RBFOX3: variants seen among roughly 807,000 people sequenced by gnomAD.
RBFOX3 encodes the protein RNA binding fox-1 homolog 3, also known as RNA binding protein fox-1 homolog 3.
In RBFOX3, 17 loss-of-function variants were observed where a neutral mutation model predicts 48.7. That is an observed-to-expected ratio of 0.35 (90% CI 0.24 to 0.52). RBFOX3 has a LOEUF of 0.52. Ranked by LOEUF, RBFOX3 falls within the 20% of genes least tolerant of loss-of-function variation. The probability of loss-of-function intolerance (pLI) is 0.94; values close to 1 mark genes in which losing one functional copy is unlikely to be tolerated. For missense variants in RBFOX3, 382 were observed against 497.5 expected (o/e 0.77, Z 2.21); for synonymous variants, 212 against 209.5 (o/e 1.01, Z -0.10).
chr17:79,523,096 C>T (rs1196482985), intron 1 of RBFOX3, among the ~76,000 whole-genome samples: 1 of 149,642 alleles, frequency 6.7e-6, no homozygotes, highest in Non-Finnish European at 1.5e-5. Context: ...TCCATAGGGA[C>T]AGAAGGAAGA....
the RBFOX3 span, among the ~76,000 whole-genome samples, chr17:79,631,952 C>T: frequency 1.3e-5 from 2 of 152,200 alleles, no homozygotes; most frequent in African/African-American, 2.4e-5. Context: ...GAACAGCTCA[C>T]GGACAGCAGA....
intron 2 of RBFOX3, among the ~76,000 whole-genome samples, chr17:79,337,633 A>C (rs1216569857): frequency 3.9e-5 from 6 of 152,058 alleles, no homozygotes; most frequent in Non-Finnish European, 5.9e-5. Flanking sequence ...AAAATTAGCC[A>C]GGTCTCGTGG....
rs138370608 is a variant in RBFOX3, at chr17:79,229,283, G to A, written c.-34+6483C>T. ...AAAAAAAAAAGGGACAGGGCTGGGC[G>A]TGGTGGCTCACATCTGTAATCCCAG... On this transcript the variant is annotated intron_variant, in intron 4 of 14. Coordinates refer to ENST00000693108, the MANE Select transcript of RBFOX3 (RefSeq NM_001350451.2). 6.0e-3 allele frequency among the ~76,000 whole-genome samples: 836 copies of A among 139,978 alleles called. 10 individuals carry two copies. Among genetic ancestry groups the A allele is most frequent in the African/African-American group, 0.022 (804 of 37,390 alleles). The allele number at this position is 139,978 out of a possible 152,430, so 91.8% of individuals were successfully genotyped here. A position where few individuals can be genotyped will look rare whatever the true frequency, so the allele number is the denominator to read the frequency against.
the RBFOX3 span, among the ~76,000 whole-genome samples, chr17:79,620,124 TACACACATGCACACGCGC>T: frequency 2.7e-5 from 3 of 111,652 alleles, no homozygotes; most frequent in South Asian, 8.9e-4. Flanking sequence ...TATGCACACA[TACACACATGCACACGCGC>T]ACACACATGC....
chr17:79,256,256 C>T (rs1458261236), intron 3 of RBFOX3, among the ~76,000 whole-genome samples: 2 of 152,076 alleles, frequency 1.3e-5, no homozygotes, highest in Non-Finnish European at 2.9e-5. Context: ...GGCTTCTATT[C>T]CCATAAACCG....
At chr17:79,322,848 C>A (rs377530834) in intron 2 of RBFOX3, among the ~76,000 whole-genome samples, 1 of 152,194 alleles carries the variant, frequency 6.6e-6, no homozygotes, top group Non-Finnish European at 1.5e-5. Context: ...AAGTCCCTTG[C>A]CCAGAAGTTG....
intron 1 of RBFOX3, among the ~76,000 whole-genome samples, chr17:79,530,776 C>T (rs1008606075): frequency 1.3e-5 from 2 of 152,198 alleles, no homozygotes; most frequent in African/African-American, 4.8e-5. Context: ...GCCCACATGC[C>T]GCGGGACCAC....
At chr17:79,178,113 C>T (rs1208684094) in intron 4 of RBFOX3, among the ~76,000 whole-genome samples, 2 of 152,244 alleles carry the variant, frequency 1.3e-5, no homozygotes, top group Non-Finnish European at 2.9e-5. Flanking sequence ...TGCCGGGCTC[C>T]TACGGGCTCC....
chr17:79,654,907 T>G, the RBFOX3 span, among the ~76,000 whole-genome samples: 1 of 152,202 alleles, frequency 6.6e-6, no homozygotes, highest in Non-Finnish European at 1.5e-5. Context: ...AAAGCGAGCC[T>G]ACCGTCTAAG....
Position 79,092,226 on chromosome 17 carries a change from T to C in RBFOX3, c.1078-1341A>G, listed in dbSNP as rs945357040. ...CCAGGAAATGTGGCTCTTGCCCTCATAGGGCGCTACCGCTACTCCCAGGTT... is the reference window on the plus strand; with the variant it reads ...CCAGGAAATGTGGCTCTTGCCCTCACAGGGCGCTACCGCTACTCCCAGGTT... On this transcript the variant is annotated intron_variant, in intron 14 of 14. Transcript: ENST00000693108. 3.5e-5 allele frequency: 34 copies of C among 985,406 alleles called. No individual in the cohort carries two copies. In the Admixed American group the frequency reaches 1.4e-3, roughly 41 times the overall value. 61.0% of individuals were successfully genotyped at this position (985,406 alleles called of 1,614,324 possible).
chr17:79,293,462 T>G (rs943289245), intron 3 of RBFOX3, among the ~76,000 whole-genome samples: 1 of 98,558 alleles, frequency 1.0e-5, no homozygotes. Context: ...CTTCCTTCCT[T>G]CCTTCCCTTC....
chr17:79,102,867 A>C (rs572440135), intron 8 of RBFOX3, among the ~76,000 whole-genome samples: 2 of 152,298 alleles, frequency 1.3e-5, no homozygotes, highest in African/African-American at 4.8e-5. Context: ...CCAAGCCCCA[A>C]ATACAGGATT....
intron 4 of RBFOX3, among the ~76,000 whole-genome samples, chr17:79,191,683 TG>T (rs754086769): frequency 8.0e-4 from 122 of 152,270 alleles, no homozygotes; most frequent in Non-Finnish European, 1.4e-3. Flanking sequence ...CGAAGCCTCA[TG>T]GGAGCTGAGC....
intron 3 of RBFOX3, among the ~76,000 whole-genome samples, chr17:79,244,752 T>TCCCTTCCTTTTCTTCCTTCCTTC (rs11408900): frequency 2.0e-5 from 2 of 101,918 alleles, no homozygotes; most frequent in Admixed American, 1.1e-4. Context: ...TTTCCTTCCT[T>TCCCTTCCTTTTCTTCCTTCCTTC]CCTTCCTTTT....
chr17:79,618,602 G>A, the RBFOX3 span, among the ~76,000 whole-genome samples: 1 of 152,186 alleles, frequency 6.6e-6, no homozygotes, highest in African/African-American at 2.4e-5. Context: ...AGAAAGGAGA[G>A]GCGGGCTGCA....
chr17:79,582,247 TATGTGCCTGTGTATGCATGC>T (rs1242631720), intron 1 of RBFOX3, among the ~76,000 whole-genome samples: 2 of 151,796 alleles, frequency 1.3e-5, no homozygotes, highest in Non-Finnish European at 2.9e-5. Context: ...CCTGCCCATG[TATGTGCCTGTGTATGCATGC>T]ATGTGCCTGT....
chr17:79,188,347 C>G (rs1272649235), intron 4 of RBFOX3, among the ~76,000 whole-genome samples: 1 of 152,240 alleles, frequency 6.6e-6, no homozygotes, highest in Non-Finnish European at 1.5e-5. Flanking sequence ...CTGGCACTGT[C>G]CCCCTGGCCC....
At chr17:79,498,232 T>G (rs925631179) in intron 1 of RBFOX3, among the ~76,000 whole-genome samples, 4 of 152,186 alleles carry the variant, frequency 2.6e-5, no homozygotes, top group Non-Finnish European at 5.9e-5. Context: ...ACATCTGCCT[T>G]CATAGGAACT....
In RBFOX3 at chr17:79,190,737, G is replaced by A. The variant is rs188405978; in HGVS notation, c.-34+45029C>T. Among the ~76,000 whole-genome samples the A allele has an allele frequency of 2.2e-4, 34 of 152,270 alleles. No homozygotes were observed. In the East Asian group the frequency reaches 5.8e-3, roughly 26 times the overall value. ...TGAAGGCTTTGAAAGAGTGACAAGG[G>A]GGAGCTTAGACCAGAAGCTGAAGCC... On this transcript the variant is annotated intron_variant, in intron 4 of 14. Transcript: ENST00000693108.
Sources: gnomAD v4.1 joint callset for allele counts (sites outside exome capture counted in the v4.1 genomes callset) on GRCh38, gnomAD v4.1.1 for gene constraint, MANE v1.5 for transcripts, NCBI Gene and HGNC (gene_info 2026-07-23, HGNC 2026-07-21) for gene names.